Variants in NID2 observed in about 807,000 individuals in gnomAD.
The protein encoded by NID2 is nidogen-2.
A neutral mutation model predicts 145.4 loss-of-function variants in NID2; 83 were observed. The ratio of observed to expected loss-of-function variants is 0.57; its 90% CI spans 0.48 to 0.69. The LOEUF is 0.69. Among genes scored for constraint, NID2 ranks in the 30% least tolerant of loss-of-function variants. The pLI, the probability that NID2 is intolerant of heterozygous loss-of-function variation, is 0.00. For synonymous variants in NID2, 739 were observed against 701.3 expected, an observed-to-expected ratio of 1.05 and a Z score of -0.85; for missense variants, 1,807 against 1,765.7, an observed-to-expected ratio of 1.02 and a Z score of -0.42.
intron 18 of NID2, chr14:52,009,986 CAAAA>C (rs1021461126): frequency 6.9e-6 from 1 of 145,640 alleles, no homozygotes; most frequent in Non-Finnish European, 1.5e-5. Flanking sequence ...GACCTTGTCT[CAAAA>C]AAAAGAAAAA....
intron 2 of NID2, 80 bp downstream of exon 2, chr14:52,067,778 A>T: frequency 7.2e-6 from 11 of 1,524,176 alleles, no homozygotes; most frequent in Non-Finnish European, 1.0e-5. Flanking sequence ...AACAACTCCG[A>T]GCCAGTCCCT....
Position 52,068,860 on chromosome 14 carries a change from G to C in NID2, c.135C>G (p.Asp45Glu). The change falls in exon 1 of 22, where the codon GAC becomes GAG. Residue 45 changes from aspartate (D) to glutamate (E), a missense_variant. Transcript: ENST00000216286. ...ELFPHGESWG[D>E]QLLQEGDDES... is the part of the protein sequence containing the mutation. ...CGTCGTCGCCTTCCTGCAGGAGCTG[G>C]TCCCCCCACGACTCCCCGTGTGGGA... 1 of 1,613,752 alleles carries C rather than the reference G, an allele frequency of 6.2e-7. No individual in the cohort carries two copies. The highest frequency in any genetic ancestry group is 2.2e-5 in the East Asian group (1 of 44,882).
intron 3 of NID2, 81 bp from the exon 4 acceptor site, chr14:52,054,402 A>G: frequency 7.2e-7 from 1 of 1,396,262 alleles, no homozygotes; most frequent in South Asian, 1.4e-5. Context: ...TGAACAACTT[A>G]TTTTAAAACG....
intron 11 of NID2, among the ~76,000 whole-genome samples, chr14:52,028,316 C>G (rs1194925916): frequency 6.6e-6 from 1 of 151,448 alleles, no homozygotes; most frequent in Non-Finnish European, 1.5e-5. Flanking sequence ...ACTCTATTAC[C>G]TAGGCTGGAA....
Position 52,006,691 on chromosome 14 carries a change from T to G in NID2, c.3881-31A>C, listed in dbSNP as rs772966412. 1.7e-5 allele frequency: 27 copies of G among 1,610,954 alleles called. No individual in the cohort carries two copies. In the South Asian group the frequency reaches 2.9e-4, roughly 17 times the overall value. ...AAAACAAAGGGGGAAAATGAGGTCC[T>G]TCAGCTGCTTTGCCAAAAATGATAG... On this transcript the variant is annotated intron_variant, in intron 19 of 21. Transcript: ENST00000216286.
intron 9 of NID2, among the ~76,000 whole-genome samples, chr14:52,033,460 G>T (rs2073622): frequency 6.6e-6 from 1 of 151,684 alleles, no homozygotes; most frequent in South Asian, 2.1e-4. Context: ...TCAAACAACT[G>T]GTGGGGGGTG....
chr14:52,020,376 C>A, intron 12 of NID2, 198 bp from the exon 13 acceptor site: 1 of 771,604 alleles, frequency 1.3e-6, no homozygotes, highest in Non-Finnish European at 1.9e-6. Flanking sequence ...AATCAAGGAA[C>A]ATGTGAGTTA....
Position 52,060,363 on chromosome 14 carries a change from GGAAAA to G in NID2, c.535-12_535-8del. 1 of 1,032,100 alleles carries G rather than the reference GGAAAA, an allele frequency of 9.7e-7. No individual in the cohort carries two copies. The highest frequency in any genetic ancestry group is 1.3e-6 in the Non-Finnish European group (1 of 794,856). 63.9% of individuals were successfully genotyped at this position (1,032,100 alleles called of 1,614,324 possible). A position where few individuals can be genotyped will look rare whatever the true frequency, so the allele number is the denominator to read the frequency against. On this transcript the variant is annotated splice_region_variant and splice_polypyrimidine_tract_variant and intron_variant, in intron 2 of 21. Transcript: ENST00000216286. ...CTGCCTGGAAAGTGTTCAGCTGTGA[GGAAAA>G]AAAAAAAAAAAGAGAGAGAGAGAGA...
intron 17 of NID2, 108 bp from the exon 18 acceptor site, chr14:52,011,155 C>T (rs977417082): frequency 9.9e-7 from 1 of 1,013,776 alleles, no homozygotes; most frequent in South Asian, 1.5e-5. Flanking sequence ...GAAAGCAAAG[C>T]CCAAGTGTCT....
chr14:52,012,686 C>T (rs555629028), intron 16 of NID2, among the ~76,000 whole-genome samples: 12 of 150,832 alleles, frequency 8.0e-5, no homozygotes, highest in African/African-American at 2.9e-4. Flanking sequence ...CTCTCCTCCT[C>T]ATTGCTAAAT....
chr14:52,026,554 T>TA (rs1389660821), intron 12 of NID2, among the ~76,000 whole-genome samples: 5 of 152,254 alleles, frequency 3.3e-5, no homozygotes, highest in Admixed American at 1.3e-4. Flanking sequence ...TAATGATTTC[T>TA]ATTTTAAAGT....
chr14:52,067,967 G>T lies in NID2; in HGVS notation c.425C>A (p.Ala142Asp), dbSNP rs1389282432. ...VLGLAARYVR[A>D]GFPRSARFTP... ...AAAGCGCGCAGAGCGCGGGAAGCCA[G>T]CGCGCACATAGCGGGCGGCCAGGCC... Residue 142 changes from alanine (A) to aspartate (D), a missense_variant, in exon 2 of 22, where the codon GCT becomes GAT. Transcript: ENST00000216286. The T allele has an allele frequency of 2.5e-6, 4 of 1,611,344 alleles. No individual in the cohort carries two copies. Among genetic ancestry groups the T allele is most frequent in the South Asian group, 2.2e-5 (2 of 90,880 alleles).
chr14:52,035,897 C>G (rs1892054420), intron 9 of NID2, among the ~76,000 whole-genome samples: 1 of 38,204 alleles, frequency 2.6e-5, no homozygotes, highest in South Asian at 1.1e-3. Context: ...TTTGTAGAGA[C>G]AGGGTTTCAC....
chr14:52,063,644 TGAA>T (rs1206397952), intron 2 of NID2, among the ~76,000 whole-genome samples: 1 of 152,218 alleles, frequency 6.6e-6, no homozygotes, highest in Non-Finnish European at 1.5e-5. Context: ...AAAATGGAAA[TGAA>T]GAATTAGGGT....
intron 8 of NID2, 27 bp from the exon 9 acceptor site, chr14:52,039,004 T>A (rs778898311): frequency 2.2e-5 from 32 of 1,468,728 alleles, no homozygotes; most frequent in Middle Eastern, 1.8e-4. Context: ...GGTAATTTTT[T>A]AAAAATATTA....
At chr14:52,029,390 A>C (rs147026319) in intron 10 of NID2, among the ~76,000 whole-genome samples, 157 bp downstream of exon 10, 1 of 152,230 alleles carries the variant, frequency 6.6e-6, no homozygotes, top group Non-Finnish European at 1.5e-5. Flanking sequence ...GCTATGCTTT[A>C]ATTTTTAAAT....
intron 9 of NID2, among the ~76,000 whole-genome samples, chr14:52,033,144 A>G (rs534920093): frequency 5.6e-4 from 86 of 152,368 alleles, no homozygotes; most frequent in African/African-American, 2.0e-3. Flanking sequence ...TAGTAAGTAA[A>G]GAACACAGTA....
chr14:52,048,681 G>C (rs1199787697), intron 5 of NID2, among the ~76,000 whole-genome samples: 1 of 152,134 alleles, frequency 6.6e-6, no homozygotes, highest in East Asian at 1.9e-4. Context: ...ATCAAATTGA[G>C]GGGGCATCAG....
intron 8 of NID2, 32 bp from the exon 9 acceptor site, chr14:52,039,009 A>G (rs758359939): frequency 6.2e-6 from 9 of 1,456,264 alleles, no homozygotes; most frequent in Non-Finnish European, 7.5e-6. Flanking sequence ...TTTTTTAAAA[A>G]TATTAAATAC....
Sources: gnomAD v4.1 joint callset for allele counts (sites outside exome capture counted in the v4.1 genomes callset) on GRCh38, gnomAD v4.1.1 for gene constraint, MANE v1.5 for transcripts, NCBI Gene and HGNC (gene_info 2026-07-23, HGNC 2026-07-21) for gene names.